TMEM268: variants seen among roughly 807,000 people sequenced by gnomAD.
The protein encoded by TMEM268 is transmembrane protein C9orf91.
TMEM268 carries 24 observed loss-of-function variants against 39.1 expected under a neutral mutation model. The ratio of observed to expected loss-of-function variants is 0.61; its 90% CI spans 0.44 to 0.86. The LOEUF is 0.86. TMEM268 is among the 40% of genes least tolerant of loss of function. TMEM268 has a pLI of 0.00. For synonymous variants in TMEM268, 176 were observed against 173.5 expected (o/e 1.01, Z -0.12); for missense variants, 409 against 428.6 (o/e 0.95, Z 0.40).
rs3035396 is a variant in TMEM268, at chr9:114,611,533, T to TGGC, written c.-87_-85dup. The stretch of plus-strand genomic sequence containing the variant: ...GCCCCCGACCTTCCGCGTCCCGGGG[T>TGGC]GGCGGCGGCGGCGGCGGCGGCGGCG... On this transcript the variant is annotated 5_prime_UTR_variant, in exon 1 of 9. Transcript: ENST00000288502. The TGGC allele has an allele frequency of 0.47, 76,620 of 163,292 alleles. 17,624 individuals carry two copies. The highest frequency in any genetic ancestry group is 0.53 in the Admixed American group (7,885 of 14,842). 10.1% of individuals were successfully genotyped at this position (163,292 alleles called of 1,614,324 possible).
chr9:114,633,966 CA>C (rs1846518817), intron 6 of TMEM268, 88 bp downstream of exon 6: 2 of 708,454 alleles, frequency 2.8e-6, no homozygotes, highest in South Asian at 4.0e-5. Flanking sequence ...TCCCAGCCTA[CA>C]CAGTGTTTGC....
chr9:114,614,314 A>G (rs764532747), intron 1 of TMEM268, among the ~76,000 whole-genome samples: 15 of 152,306 alleles, frequency 9.8e-5, no homozygotes, highest in East Asian at 9.6e-4. Flanking sequence ...GGGGGCTCCT[A>G]AGTGATCTTC....
chr9:114,641,545 C>T (rs565849757), intron 8 of TMEM268, among the ~76,000 whole-genome samples: 32 of 152,206 alleles, frequency 2.1e-4, no homozygotes, highest in Non-Finnish European at 3.7e-4. Flanking sequence ...TAAGGCCTAG[C>T]GCCGTGGCTC....
chr9:114,626,896 C>A lies in TMEM268; in HGVS notation c.217-3C>A. On this transcript the variant is annotated splice_polypyrimidine_tract_variant and splice_region_variant and intron_variant, in intron 3 of 8. Coordinates refer to ENST00000288502, the MANE Select transcript of TMEM268 (RefSeq NM_153045.4). ...TTGATCTCTTTCCCTGGGTTCCAAG[C>A]AGGTCCCGGCTGACCAGTACAGGAG... The A allele has an allele frequency of 6.3e-7, 1 of 1,598,224 alleles. No homozygotes were observed. Among genetic ancestry groups the A allele is most frequent in the Non-Finnish European group, 8.6e-7 (1 of 1,167,010 alleles).
At chr9:114,626,242 T>G (rs1463305693) in intron 3 of TMEM268, among the ~76,000 whole-genome samples, 1 of 152,272 alleles carries the variant, frequency 6.6e-6, no homozygotes, top group Non-Finnish European at 1.5e-5. Flanking sequence ...GGATTACAGG[T>G]GTGAGACACT....
At chr9:114,624,200 C>T (rs889552633) in intron 2 of TMEM268, 150 bp from the exon 3 acceptor site, 23 of 1,429,212 alleles carry the variant, frequency 1.6e-5, no homozygotes, top group Non-Finnish European at 1.9e-5. Flanking sequence ...CAGTCCTTCT[C>T]TCAAGAGGAT....
At chr9:114,624,606 C>G in intron 3 of TMEM268, 147 bp downstream of exon 3, 1 of 1,296,524 alleles carries the variant, frequency 7.7e-7, no homozygotes, top group Non-Finnish European at 1.0e-6. Flanking sequence ...TAGAAGTGCC[C>G]TCTCTTTCCT....
In TMEM268 at chr9:114,638,526, TCTC is replaced by T. The variant is rs1244139085; in HGVS notation, c.667-17_667-15del. 2.6e-6 allele frequency: 4 copies of T among 1,532,292 alleles called. No individual in the cohort carries two copies. In the African/African-American group the frequency reaches 5.6e-5, roughly 21 times the overall value. 94.9% of individuals were successfully genotyped at this position (1,532,292 alleles called of 1,614,324 possible). On this transcript the variant is annotated splice_polypyrimidine_tract_variant and intron_variant, in intron 7 of 8. Transcript: ENST00000288502. ...CTGATTTAGGCACTCCTGAGCCCCT[TCTC>T]TGTTTCCTTTGCAGTCCTTGCTGAG...
intron 2 of TMEM268, chr9:114,622,458 C>T (rs912045846): frequency 1.2e-5 from 12 of 985,316 alleles, no homozygotes; most frequent in Non-Finnish European, 1.3e-5. Context: ...GCAAGGAGAT[C>T]TCGATCCTTT....
chr9:114,624,737 C>G (rs1846088080), intron 3 of TMEM268, among the ~76,000 whole-genome samples: 1 of 152,156 alleles, frequency 6.6e-6, no homozygotes. Flanking sequence ...TCCACAGATC[C>G]CAGCGGGGAA....
upstream of TMEM268, among the ~76,000 whole-genome samples, chr9:114,609,957 AC>A (rs1236429403): frequency 2.0e-5 from 3 of 152,182 alleles, no homozygotes; most frequent in East Asian, 5.8e-4. Context: ...GCTGGAAATC[AC>A]CTTCATGTCC....
In TMEM268 at chr9:114,643,952, G is replaced by C. The variant is rs1043685336; in HGVS notation, c.*639G>C. The C allele has an allele frequency of 6.6e-6, 1 of 152,270 alleles. No homozygotes were observed. The highest frequency in any genetic ancestry group is 1.5e-5 in the Non-Finnish European group (1 of 68,088). The allele number at this position is 152,270 out of a possible 1,614,324, so 9.4% of individuals were successfully genotyped here. A position where few individuals can be genotyped will look rare whatever the true frequency, so the allele number is the denominator to read the frequency against. Reference sequence around the variant, plus strand: ...GCAGAAGACAGAGACAGAAGAAAGAGATCAAGGGCAGATAACTGTTGATAG... The same window carrying C: ...GCAGAAGACAGAGACAGAAGAAAGACATCAAGGGCAGATAACTGTTGATAG... On this transcript the variant is annotated 3_prime_UTR_variant, in exon 9 of 9. Transcript: ENST00000288502.
intron 8 of TMEM268, among the ~76,000 whole-genome samples, chr9:114,642,892 C>T (rs553826211): frequency 1.3e-5 from 2 of 152,186 alleles, no homozygotes; most frequent in Admixed American, 6.5e-5. Context: ...TAGTTACTCA[C>T]CTTGGCAACG....
Position 114,620,023 on chromosome 9 carries a change from G to A in TMEM268, c.106+2722G>A, listed in dbSNP as rs187985648. Among the ~76,000 whole-genome samples, 78 of 152,008 alleles carry A rather than the reference G, an allele frequency of 5.1e-4. No individual in the cohort carries two copies. In the East Asian group the frequency reaches 9.0e-3, roughly 18 times the overall value. On this transcript the variant is annotated intron_variant, in intron 2 of 8. Coordinates refer to ENST00000288502, the MANE Select transcript of TMEM268 (RefSeq NM_153045.4). ...GAGGTCAGGAGTTTGAGACCATCCC[G>A]GCCAACATGGTGAAACCCCATCTCT...
chr9:114,637,476 T>C (rs1466603864), intron 7 of TMEM268, among the ~76,000 whole-genome samples: 2 of 151,958 alleles, frequency 1.3e-5, no homozygotes, highest in East Asian at 3.9e-4. Context: ...GTATTTTTAG[T>C]AGAGACGGGG....
At chr9:114,621,229 C>G (rs1302700810) in intron 2 of TMEM268, among the ~76,000 whole-genome samples, 3 of 151,332 alleles carry the variant, frequency 2.0e-5, no homozygotes, top group Non-Finnish European at 4.4e-5. Context: ...CCTATGATCC[C>G]AGTTACTTGG....
In TMEM268 at chr9:114,633,876, C is replaced by G. The variant is rs1397814335; in HGVS notation, c.583C>G (p.Gln195Glu). 2 of 1,576,330 alleles carry G rather than the reference C, an allele frequency of 1.3e-6. No homozygotes were observed. The highest frequency in any genetic ancestry group is 1.7e-6 in the Non-Finnish European group (2 of 1,157,520). ...DTVEGCQSVI[Q>E]LWFVYFDLEN... is the part of the protein sequence containing the mutation. ...AGTGGAAGGATGCCAGAGTGTGATTCAGGTGCTGTGTCTCATAGTTACCTC... is the reference window on the plus strand; with the variant it reads ...AGTGGAAGGATGCCAGAGTGTGATTGAGGTGCTGTGTCTCATAGTTACCTC... The change falls in exon 6 of 9, where the codon CAG becomes GAG. Residue 195 changes from glutamine (Q) to glutamate (E), a missense_variant and splice_region_variant. Transcript: ENST00000288502.
At chr9:114,622,305 G>A (rs781276665) in intron 2 of TMEM268, 584 of 985,228 alleles carry the variant, frequency 5.9e-4, no homozygotes, top group South Asian at 8.0e-4. Flanking sequence ...CTAAGCAGCC[G>A]CCATAGAGAA....
chr9:114,620,947 G>GA (rs1424315483), intron 2 of TMEM268, among the ~76,000 whole-genome samples: 3 of 151,948 alleles, frequency 2.0e-5, no homozygotes, highest in East Asian at 1.9e-4. Context: ...AGGAGAGAGA[G>GA]AAAAAAAGCA....
Sources: gnomAD v4.1 joint callset for allele counts (sites outside exome capture counted in the v4.1 genomes callset) on GRCh38, gnomAD v4.1.1 for gene constraint, MANE v1.5 for transcripts, NCBI Gene and HGNC (gene_info 2026-07-23, HGNC 2026-07-21) for gene names.